The following TRDN variants were observed in gnomAD, a reference collection of about 807,000 sequenced individuals.
The protein encoded by TRDN is triadin in skeletal muscle.
TRDN carries 161 observed loss-of-function variants against 149.7 expected under a neutral mutation model. The ratio of observed to expected loss-of-function variants is 1.08; its 90% CI spans 0.95 to 1.23. TRDN has a LOEUF of 1.23. Among genes scored for constraint, TRDN ranks in the 50% most tolerant of loss-of-function variants. The pLI, the probability that TRDN is intolerant of heterozygous loss-of-function variation, is 0.00. For missense variants in TRDN, 896 were observed against 823.5 expected (o/e 1.09, Z -1.08); for synonymous variants, 294 against 250.5 (o/e 1.17, Z -1.64).
At chr6:123,240,766 G>C (rs1430922874) in intron 38 of TRDN, among the ~76,000 whole-genome samples, 1 of 151,764 alleles carries the variant, frequency 6.6e-6, no homozygotes, top group Non-Finnish European at 1.5e-5. Context: ...ATATGGGACT[G>C]GCATATGTTG....
At chr6:123,374,101 T>A (rs1156852512) in intron 19 of TRDN, among the ~76,000 whole-genome samples, 2 of 152,172 alleles carry the variant, frequency 1.3e-5, no homozygotes, top group Non-Finnish European at 2.9e-5. Context: ...CAAGTGCAAA[T>A]CTCTCAACCA....
At chr6:123,414,712 G>A (rs902052678) in intron 12 of TRDN, among the ~76,000 whole-genome samples, 11 of 152,060 alleles carry the variant, frequency 7.2e-5, no homozygotes, top group Admixed American at 3.3e-4. Flanking sequence ...CAAATTTAGT[G>A]ATTCGCATAA....
At chr6:123,484,344 C>G (rs916581653) in intron 9 of TRDN, among the ~76,000 whole-genome samples, 6 of 152,148 alleles carry the variant, frequency 3.9e-5, no homozygotes, top group African/African-American at 1.4e-4. Context: ...TTTGTATCCA[C>G]TAGGCCACAC....
intron 4 of TRDN, among the ~76,000 whole-genome samples, chr6:123,541,157 C>T (rs1172844213): frequency 2.0e-5 from 3 of 152,092 alleles, no homozygotes; most frequent in Non-Finnish European, 4.4e-5. Context: ...AATATAACAC[C>T]AATGAAATTA....
chr6:123,452,850 T>C (rs1408414335), intron 10 of TRDN, among the ~76,000 whole-genome samples: 4 of 152,124 alleles, frequency 2.6e-5, no homozygotes, highest in South Asian at 4.1e-4. Flanking sequence ...GATTTCCAAC[T>C]ATACTATAAG....
intron 12 of TRDN, among the ~76,000 whole-genome samples, chr6:123,396,290 A>G (rs1318198799): frequency 6.6e-6 from 1 of 152,214 alleles, no homozygotes; most frequent in African/African-American, 2.4e-5. Context: ...ACAAAAATAA[A>G]AAAGACAGGA....
At chr6:123,446,299 G>A (rs1775347856) in intron 10 of TRDN, among the ~76,000 whole-genome samples, 1 of 152,000 alleles carries the variant, frequency 6.6e-6, no homozygotes, top group Admixed American at 6.6e-5. Context: ...TGACAAGTTA[G>A]TGGGTGCAGC....
chr6:123,418,818 C>A (rs556157557), intron 12 of TRDN, among the ~76,000 whole-genome samples: 69 of 152,252 alleles, frequency 4.5e-4, no homozygotes, highest in Non-Finnish European at 7.2e-4. Context: ...CCCAGCAAAG[C>A]ATTCTGTTTC....
chr6:123,428,953 A>G (rs369595719), intron 12 of TRDN, among the ~76,000 whole-genome samples: 1 of 152,184 alleles, frequency 6.6e-6, no homozygotes, highest in East Asian at 1.9e-4. Flanking sequence ...TGAGTGAATG[A>G]ATGAAGGAAA....
rs1779972939 is a variant in TRDN, at chr6:123,526,804, A to G, written c.484+3702T>C. On this transcript the variant is annotated intron_variant, in intron 5 of 40. Transcript: ENST00000334268. ...GACACATCTTATATTTGTTCAGCCTATGATGAGACAGATATCAAATGATAC... is the reference window on the plus strand; with the variant it reads ...GACACATCTTATATTTGTTCAGCCTGTGATGAGACAGATATCAAATGATAC... 2.0e-5 allele frequency among the ~76,000 whole-genome samples: 3 copies of G among 152,088 alleles called. No homozygotes were observed. In the South Asian group the frequency reaches 6.2e-4, roughly 31 times the overall value.
At chr6:123,241,643 A>G (rs1341427913) in intron 38 of TRDN, among the ~76,000 whole-genome samples, 1 of 152,026 alleles carries the variant, frequency 6.6e-6, no homozygotes, top group East Asian at 1.9e-4. Flanking sequence ...GTTTAAAAAC[A>G]TGGAAATCCT....
At chr6:123,411,073 G>A (rs1227013114) in intron 12 of TRDN, among the ~76,000 whole-genome samples, 2 of 142,964 alleles carry the variant, frequency 1.4e-5, no homozygotes, top group African/African-American at 5.2e-5. Context: ...TTGAGTCAGA[G>A]TCTCGCTCTG....
At chr6:123,322,808 T>G (rs1471390890) in intron 23 of TRDN, among the ~76,000 whole-genome samples, 1 of 151,710 alleles carries the variant, frequency 6.6e-6, no homozygotes, top group Non-Finnish European at 1.5e-5. Context: ...GCCCAGCTAA[T>G]TTTTGTATTT....
At chr6:123,310,229 C>T (rs773023725) in intron 24 of TRDN, among the ~76,000 whole-genome samples, 12 of 151,862 alleles carry the variant, frequency 7.9e-5, no homozygotes, top group Non-Finnish European at 1.6e-4. Flanking sequence ...ATATGAAGTG[C>T]CACTAGTGAT....
intron 1 of TRDN, among the ~76,000 whole-genome samples, chr6:123,585,689 C>T (rs1014976155): frequency 1.3e-5 from 2 of 152,074 alleles, no homozygotes; most frequent in Non-Finnish European, 2.9e-5. Context: ...TGGGACGTGG[C>T]TTAGGAGGAA....
chr6:123,315,478 G>T (rs942910109), intron 24 of TRDN, among the ~76,000 whole-genome samples: 1 of 151,816 alleles, frequency 6.6e-6, no homozygotes, highest in South Asian at 2.1e-4. Flanking sequence ...TAAGAGAAAT[G>T]ACTTTAATAA....
chr6:123,313,110 G>C (rs1778894781), intron 24 of TRDN, among the ~76,000 whole-genome samples: 1 of 151,894 alleles, frequency 6.6e-6, no homozygotes, highest in Non-Finnish European at 1.5e-5. Context: ...TTAGATTCTT[G>C]TATTGTGTTT....
intron 1 of TRDN, among the ~76,000 whole-genome samples, chr6:123,626,523 A>G (rs1376196402): frequency 1.3e-5 from 2 of 152,136 alleles, no homozygotes; most frequent in Non-Finnish European, 2.9e-5. Flanking sequence ...AAGTTTAATC[A>G]TGAGATTACA....
At chr6:123,415,467 G>C (rs1192457018) in intron 12 of TRDN, among the ~76,000 whole-genome samples, 1 of 152,206 alleles carries the variant, frequency 6.6e-6, no homozygotes, top group African/African-American at 2.4e-5. Context: ...GCAGGTGACT[G>C]AGGCAAGGCT....
Sources: allele counts gnomAD v4.1 joint callset (sites outside exome capture counted in the v4.1 genomes callset), GRCh38; gene constraint gnomAD v4.1.1; transcripts MANE v1.5; gene names NCBI Gene and HGNC (gene_info 2026-07-23, HGNC 2026-07-21).